PACSIN2: variants seen among roughly 807,000 people sequenced by gnomAD.
PACSIN2 encodes the protein protein kinase C and casein kinase substrate in neurons protein 2.
Under a neutral mutation model 63.8 loss-of-function variants are expected in PACSIN2, and 25 were observed. The ratio of observed to expected loss-of-function variants is 0.39; its 90% CI spans 0.29 to 0.55. The LOEUF is 0.55. Among genes scored for constraint, PACSIN2 ranks in the 20% least tolerant of loss-of-function variants. The probability of loss-of-function intolerance (pLI) is 0.62; values close to 1 mark genes in which losing one functional copy is unlikely to be tolerated. For missense variants in PACSIN2, 518 were observed against 646.9 expected, an observed-to-expected ratio of 0.80 and a Z score of 2.16; for synonymous variants, 255 against 256.2, an observed-to-expected ratio of 1.00 and a Z score of 0.05.
intron 1 of PACSIN2, among the ~76,000 whole-genome samples, chr22:42,955,601 G>A (rs1173109208): frequency 1.3e-5 from 2 of 152,172 alleles, no homozygotes; most frequent in East Asian, 3.8e-4. Flanking sequence ...GAAGTTCACT[G>A]GGTACACCTA....
chr22:42,883,863 G>C (rs549028278), intron 6 of PACSIN2, among the ~76,000 whole-genome samples: 1 of 152,214 alleles, frequency 6.6e-6, no homozygotes, highest in African/African-American at 2.4e-5. Context: ...AATTAGCTGG[G>C]TGTGGTGGCG....
intron 1 of PACSIN2, among the ~76,000 whole-genome samples, chr22:42,994,741 C>T (rs1386416890): frequency 1.3e-5 from 2 of 152,218 alleles, no homozygotes; most frequent in African/African-American, 4.8e-5. Context: ...GGAAAAAGGG[C>T]CCCGGGCAGG....
At chr22:42,889,227 G>C (rs1929717616) in intron 4 of PACSIN2, among the ~76,000 whole-genome samples, 1 of 152,094 alleles carries the variant, frequency 6.6e-6, no homozygotes, top group Non-Finnish European at 1.5e-5. Context: ...CGCACATGGA[G>C]GGGTTATGGG....
At chr22:42,961,420 T>C (rs1395662063) in intron 1 of PACSIN2, among the ~76,000 whole-genome samples, 1 of 144,118 alleles carries the variant, frequency 6.9e-6, no homozygotes, top group Non-Finnish European at 1.5e-5. Flanking sequence ...AATCCCCCTC[T>C]GTGAGAAACA....
chr22:42,963,071 T>TA (rs1278965325), intron 1 of PACSIN2, among the ~76,000 whole-genome samples: 1 of 152,192 alleles, frequency 6.6e-6, no homozygotes, highest in Non-Finnish European at 1.5e-5. Flanking sequence ...ATGCAGAGCC[T>TA]AAGCTGGAAT....
At chr22:42,889,146 G>A (rs1191364820) in intron 4 of PACSIN2, among the ~76,000 whole-genome samples, 1 of 152,068 alleles carries the variant, frequency 6.6e-6, no homozygotes, top group Non-Finnish European at 1.5e-5. Context: ...CAACTGAGAC[G>A]GAGCATGGGG....
intron 1 of PACSIN2, among the ~76,000 whole-genome samples, chr22:42,973,997 A>C (rs1921508425): frequency 6.6e-6 from 1 of 152,198 alleles, no homozygotes; most frequent in African/African-American, 2.4e-5. Flanking sequence ...CGAGCTGTGG[A>C]ATCGCAATTC....
At chr22:42,903,777 C>T (rs958606479) in intron 2 of PACSIN2, among the ~76,000 whole-genome samples, 3 of 152,178 alleles carry the variant, frequency 2.0e-5, no homozygotes, top group African/African-American at 2.4e-5. Flanking sequence ...AATCCAGACT[C>T]GATTCTGACC....
intron 1 of PACSIN2, among the ~76,000 whole-genome samples, chr22:43,003,948 A>G (rs904818550): frequency 2.0e-5 from 3 of 152,176 alleles, no homozygotes; most frequent in African/African-American, 7.2e-5. Flanking sequence ...CTGCTGTGTA[A>G]ATGGTTGTAA....
intron 1 of PACSIN2, among the ~76,000 whole-genome samples, chr22:42,913,973 G>A (rs920249135): frequency 6.6e-6 from 1 of 152,356 alleles, no homozygotes; most frequent in South Asian, 2.1e-4. Flanking sequence ...CTGCTGTGCA[G>A]CAACAGAGAC....
At chr22:42,919,920 C>T (rs561211687) in intron 1 of PACSIN2, among the ~76,000 whole-genome samples, 4 of 149,636 alleles carry the variant, frequency 2.7e-5, no homozygotes, top group Non-Finnish European at 5.9e-5. Context: ...CTGGGCAACA[C>T]AGTGAGACCA....
rs1020873662 is a variant in PACSIN2, at chr22:42,871,741, G to A, written c.1349-272C>T. On this transcript the variant is annotated intron_variant, in intron 10 of 10. Coordinates refer to ENST00000263246, the MANE Select transcript of PACSIN2 (RefSeq NM_001184970.3). The surrounding 1 kb of genome is among the most constrained non-coding windows in gnomAD (Gnocchi z 5.4). ...CCACAGTGGCTCCCACTGAGACTGCGGCATCCAGCTCCATAGGGCTGTGCC... is the reference window on the plus strand; with the variant it reads ...CCACAGTGGCTCCCACTGAGACTGCAGCATCCAGCTCCATAGGGCTGTGCC... Among the ~76,000 whole-genome samples the A allele has an allele frequency of 8.5e-5, 13 of 152,108 alleles. No homozygotes were observed. The highest frequency in any genetic ancestry group is 1.3e-4 in the Non-Finnish European group (9 of 68,006).
At chr22:42,950,046 A>G (rs950151943) in intron 1 of PACSIN2, among the ~76,000 whole-genome samples, 1 of 152,162 alleles carries the variant, frequency 6.6e-6, no homozygotes, top group Non-Finnish European at 1.5e-5. Flanking sequence ...AGGGTTCCAC[A>G]TCTGTGGATT....
intron 2 of PACSIN2, among the ~76,000 whole-genome samples, chr22:42,903,873 T>C (rs1040853916): frequency 3.9e-5 from 6 of 152,148 alleles, no homozygotes; most frequent in Non-Finnish European, 8.8e-5. Flanking sequence ...TGACTGGCCG[T>C]ATCCTCTGTT....
chr22:43,010,852 T>C (rs750160141), intron 1 of PACSIN2, among the ~76,000 whole-genome samples: 8 of 152,334 alleles, frequency 5.3e-5, no homozygotes, highest in Non-Finnish European at 7.4e-5. Flanking sequence ...CACAATTCAA[T>C]AGGTAACTTA....
chr22:42,944,269 T>G (rs1933308986), intron 1 of PACSIN2, among the ~76,000 whole-genome samples: 1 of 152,160 alleles, frequency 6.6e-6, no homozygotes, highest in South Asian at 2.1e-4. Flanking sequence ...GACATTTGTG[T>G]TAGGCTAAGT....
intron 2 of PACSIN2, among the ~76,000 whole-genome samples, chr22:42,902,507 G>C (rs1930763519): frequency 6.6e-6 from 1 of 152,208 alleles, no homozygotes. Flanking sequence ...AGTGCTGGGA[G>C]CTGGGATTTC....
intron 2 of PACSIN2, among the ~76,000 whole-genome samples, chr22:42,900,193 C>T (rs900985976): frequency 1.3e-5 from 2 of 152,160 alleles, no homozygotes; most frequent in East Asian, 3.9e-4. Context: ...GCCATCTGGT[C>T]CAGCTGGGGG....
intron 2 of PACSIN2, among the ~76,000 whole-genome samples, chr22:42,904,968 C>A (rs1035986041): frequency 1.3e-5 from 2 of 152,110 alleles, no homozygotes; most frequent in African/African-American, 4.8e-5. Context: ...CGGACCCCAC[C>A]GGCTCTAAAA....
Sources: allele counts gnomAD v4.1 joint callset (sites outside exome capture counted in the v4.1 genomes callset), GRCh38; gene constraint gnomAD v4.1.1; non-coding constraint Gnocchi (gnomAD v3.1); transcripts MANE v1.5; gene names NCBI Gene and HGNC (gene_info 2026-07-23, HGNC 2026-07-21).